PRKCE: variants seen among roughly 807,000 people sequenced by gnomAD.
PRKCE encodes protein kinase C epsilon type.
In PRKCE, 16 loss-of-function variants were observed where a neutral mutation model predicts 85.4. The ratio of observed to expected loss-of-function variants is 0.19; its 90% CI spans 0.13 to 0.28. PRKCE has a LOEUF of 0.28. Among genes scored for constraint, PRKCE ranks in the 10% least tolerant of loss-of-function variants. The pLI, the probability that PRKCE is intolerant of heterozygous loss-of-function variation, is 1.00. For missense variants in PRKCE, 573 were observed against 975.2 expected, an observed-to-expected ratio of 0.59 and a Z score of 5.49; for synonymous variants, 388 against 371.5, an observed-to-expected ratio of 1.04 and a Z score of -0.51.
intron 1 of PRKCE, among the ~76,000 whole-genome samples, chr2:45,783,988 A>T (rs1686396431): frequency 6.6e-6 from 1 of 152,144 alleles, no homozygotes. Context: ...CTGCAGGGAG[A>T]TTTCATGTCA....
At chr2:45,883,668 C>G (rs1465718824) in intron 2 of PRKCE, among the ~76,000 whole-genome samples, 1 of 152,166 alleles carries the variant, frequency 6.6e-6, no homozygotes, top group Non-Finnish European at 1.5e-5. Context: ...TGCACAACTA[C>G]CATGCCATGC....
chr2:45,941,210 T>A (rs1573962006), intron 2 of PRKCE, among the ~76,000 whole-genome samples: 1 of 152,166 alleles, frequency 6.6e-6, no homozygotes, highest in Non-Finnish European at 1.5e-5. Flanking sequence ...AGCACTCATG[T>A]GGCCACTTGC....
At chr2:45,821,158 C>T (rs57646993) in intron 1 of PRKCE, among the ~76,000 whole-genome samples, 5,713 of 152,222 alleles carry the variant, frequency 0.038, 349 homozygotes, top group African/African-American at 0.13. Context: ...TGTGGGCATA[C>T]TTCCTTTTTG....
At chr2:45,659,696 AT>A (rs1239924259) in intron 1 of PRKCE, among the ~76,000 whole-genome samples, 1 of 151,892 alleles carries the variant, frequency 6.6e-6, no homozygotes, top group Non-Finnish European at 1.5e-5. Flanking sequence ...TTGCCATCCC[AT>A]TTTTTTAGAA....
At chr2:45,936,812 C>T (rs899623806) in intron 2 of PRKCE, among the ~76,000 whole-genome samples, 3 of 152,138 alleles carry the variant, frequency 2.0e-5, no homozygotes, top group Admixed American at 6.5e-5. Context: ...TGTCTCCTCC[C>T]GGCTCTGAGA....
Position 46,159,151 on chromosome 2 carries a change from A to G in PRKCE, c.1921-455A>G, listed in dbSNP as rs1215852672. 3.9e-5 allele frequency among the ~76,000 whole-genome samples: 6 copies of G among 152,170 alleles called. No individual in the cohort carries two copies. Among genetic ancestry groups the G allele is most frequent in the Non-Finnish European group, 8.8e-5 (6 of 68,032 alleles). On this transcript the variant is annotated intron_variant, in intron 13 of 14. Transcript: ENST00000306156. The surrounding 1 kb of genome is among the most constrained non-coding windows in gnomAD (Gnocchi z 4.1). ...TACCTGGTCCTTATTCCTTATCTCA[A>G]AAAGGACCGTTGACCCCTCCATGTA...
chr2:45,889,857 ATG>A (rs758224028), intron 2 of PRKCE, among the ~76,000 whole-genome samples: 26 of 152,362 alleles, frequency 1.7e-4, no homozygotes, highest in Non-Finnish European at 2.9e-4. Flanking sequence ...ACAGATTAAC[ATG>A]TGGGCTGCAA....
At chr2:45,736,564 A>T (rs75503297) in intron 1 of PRKCE, among the ~76,000 whole-genome samples, 2,910 of 152,066 alleles carry the variant, frequency 0.019, 97 homozygotes, top group African/African-American at 0.067. Flanking sequence ...CCTGGAGTCT[A>T]CTCCTCGCTC....
In PRKCE at chr2:46,035,022, G is replaced by C. The variant is rs150072274; in HGVS notation, c.1437+24505G>C. Among the ~76,000 whole-genome samples the C allele has an allele frequency of 3.0e-3, 456 of 152,296 alleles. 2 individuals are homozygous for C. Among genetic ancestry groups the C allele is most frequent in the African/African-American group, 0.01 (434 of 41,562 alleles). Reference sequence around the variant, plus strand: ...GATTAGACCCAAAGAGTCCCTTCTCGAAAGCAGCCTGTGACCACATGGGTT... The same window carrying C: ...GATTAGACCCAAAGAGTCCCTTCTCCAAAGCAGCCTGTGACCACATGGGTT... On this transcript the variant is annotated intron_variant, in intron 10 of 14. Coordinates refer to ENST00000306156, the MANE Select transcript of PRKCE (RefSeq NM_005400.3).
At position 46,184,076 on chromosome 2, in the gene PRKCE, G is replaced by T. The variant is rs781283507; in HGVS notation, c.2068-659G>T. On this transcript the variant is annotated intron_variant, in intron 14 of 14. Transcript: ENST00000306156. This position sits in a 1 kb window ranked among gnomAD's most constrained non-coding sequence, Gnocchi z 5.0. ...TTATTTCATTCAGTAGACACTTATTGCTGGGGAACTGCTGGGAACTCAAAG... is the reference window on the plus strand; with the variant it reads ...TTATTTCATTCAGTAGACACTTATTTCTGGGGAACTGCTGGGAACTCAAAG... Among the ~76,000 whole-genome samples, 11 of 152,138 alleles carry T rather than the reference G, an allele frequency of 7.2e-5. No homozygotes were observed. The highest frequency in any genetic ancestry group is 1.2e-4 in the Non-Finnish European group (8 of 68,024).
chr2:45,838,892 G>A (rs1299663822), intron 1 of PRKCE, among the ~76,000 whole-genome samples: 1 of 152,168 alleles, frequency 6.6e-6, no homozygotes, highest in Non-Finnish European at 1.5e-5. Flanking sequence ...AAATAACATT[G>A]GACTAAGAAG....
chr2:45,833,300 G>C (rs1690590310), intron 1 of PRKCE, among the ~76,000 whole-genome samples: 1 of 152,178 alleles, frequency 6.6e-6, no homozygotes, highest in African/African-American at 2.4e-5. Flanking sequence ...TCCTGACCGA[G>C]CTTGCCTCTG....
chr2:45,684,503 A>C (rs1479904712), intron 1 of PRKCE, among the ~76,000 whole-genome samples: 1 of 152,246 alleles, frequency 6.6e-6, no homozygotes, highest in Non-Finnish European at 1.5e-5. Context: ...GTGGAATAGC[A>C]CTTACCCTCA....
chr2:45,937,258 C>T (rs191450069), intron 2 of PRKCE, among the ~76,000 whole-genome samples: 5 of 152,322 alleles, frequency 3.3e-5, no homozygotes, highest in East Asian at 1.9e-4. Flanking sequence ...CTGTTGGTGT[C>T]CCGGCCATAG....
At chr2:45,931,046 G>C (rs1282334956) in intron 2 of PRKCE, among the ~76,000 whole-genome samples, 2 of 152,108 alleles carry the variant, frequency 1.3e-5, no homozygotes, top group Non-Finnish European at 2.9e-5. Context: ...GGTCACTACT[G>C]TCCCCATTTT....
At chr2:45,988,913 C>T (rs1395992648) in intron 6 of PRKCE, among the ~76,000 whole-genome samples, 1 of 152,186 alleles carries the variant, frequency 6.6e-6, no homozygotes, top group Admixed American at 6.5e-5. Flanking sequence ...TTTTATTTTC[C>T]CATTGACACA....
At chr2:45,681,551 T>C (rs1676904054) in intron 1 of PRKCE, among the ~76,000 whole-genome samples, 1 of 152,192 alleles carries the variant, frequency 6.6e-6, no homozygotes, top group African/African-American at 2.4e-5. Flanking sequence ...TTGGTTTTGG[T>C]GCTTCCACCT....
rs529097185 is a variant in PRKCE, at chr2:46,159,506, G to A, written c.1921-100G>A. The A allele has an allele frequency of 3.0e-5, 38 of 1,282,106 alleles. No individual in the cohort carries two copies. The highest frequency in any genetic ancestry group is 5.3e-5 in the Admixed American group (2 of 37,586). The allele number at this position is 1,282,106 out of a possible 1,614,324, so 79.4% of individuals were successfully genotyped here. A position where few individuals can be genotyped will look rare whatever the true frequency, so the allele number is the denominator to read the frequency against. On this transcript the variant is annotated intron_variant, in intron 13 of 14. Coordinates refer to ENST00000306156, the MANE Select transcript of PRKCE (RefSeq NM_005400.3). This position sits in a 1 kb window ranked among gnomAD's most constrained non-coding sequence, Gnocchi z 4.1. ...AGTGCAAAGAACAGACTTGGGAGGC[G>A]ATGCTGAAGATGCTGCTTTGGCTGA...
At chr2:46,050,653 G>T (rs763426399) in intron 10 of PRKCE, among the ~76,000 whole-genome samples, 2 of 152,166 alleles carry the variant, frequency 1.3e-5, no homozygotes, top group Non-Finnish European at 2.9e-5. Flanking sequence ...GCCCCTTAAT[G>T]AGGTTCTAAA....
Sources: gnomAD v4.1 joint callset for allele counts (sites outside exome capture counted in the v4.1 genomes callset) on GRCh38, gnomAD v4.1.1 for gene constraint, Gnocchi (gnomAD v3.1) non-coding constraint, MANE v1.5 for transcripts, NCBI Gene and HGNC (gene_info 2026-07-23, HGNC 2026-07-21) for gene names.